The following ADAMTS19 variants were observed in gnomAD, a reference collection of about 807,000 sequenced individuals.
The protein encoded by ADAMTS19 is A disintegrin and metalloproteinase with thrombospondin motifs 19.
ADAMTS19 carries 93 observed loss-of-function variants against 153.3 expected under a neutral mutation model. The ratio of observed to expected loss-of-function variants is 0.61; its 90% CI spans 0.51 to 0.72. ADAMTS19 has a LOEUF of 0.72. Among genes scored for constraint, ADAMTS19 ranks in the 30% least tolerant of loss-of-function variants. The pLI, the probability that ADAMTS19 is intolerant of heterozygous loss-of-function variation, is 0.00. For synonymous variants in ADAMTS19, 600 were observed against 556.6 expected (o/e 1.08, Z -1.10); for missense variants, 1,482 against 1,552.1 (o/e 0.95, Z 0.76).
Position 129,704,404 on chromosome 5 carries a change from C to T in ADAMTS19, c.3312+13C>T, listed in dbSNP as rs766007787. The T allele has an allele frequency of 1.2e-6, 2 of 1,610,576 alleles. No homozygotes were observed. Among genetic ancestry groups the T allele is most frequent in the African/African-American group, 1.3e-5 (1 of 74,876 alleles). On this transcript the variant is annotated intron_variant, in intron 21 of 22. Transcript: ENST00000274487. The stretch of plus-strand genomic sequence containing the variant: ...TGACTGGTCTAAGGTGAGAACCATT[C>T]TGTATATTCTCAGTAATAGGTTTCA...
chr5:129,682,403 AT>A (rs1754862306), intron 17 of ADAMTS19, among the ~76,000 whole-genome samples: 2 of 152,188 alleles, frequency 1.3e-5, no homozygotes, highest in South Asian at 4.1e-4. Context: ...CCAAATTCAA[AT>A]GGTTTAAGAA....
Position 129,701,342 on chromosome 5 carries a change from T to C in ADAMTS19, c.2955-46T>C, listed in dbSNP as rs562937980. 6.6e-4 allele frequency: 1,048 copies of C among 1,593,142 alleles called. 12 individuals are homozygous for C. In the South Asian group the frequency reaches 0.011, roughly 16 times the overall value. ...GTGAGAACAGACTAATACAAGTAGATAGGTATCTTTTAACTTGTTTCCAGT... is the reference window on the plus strand; with the variant it reads ...GTGAGAACAGACTAATACAAGTAGACAGGTATCTTTTAACTTGTTTCCAGT... On this transcript the variant is annotated intron_variant, in intron 19 of 22. Transcript: ENST00000274487.
At chr5:129,483,906 G>T (rs1186198722) in intron 2 of ADAMTS19, among the ~76,000 whole-genome samples, 1 of 152,070 alleles carries the variant, frequency 6.6e-6, no homozygotes, top group African/African-American at 2.4e-5. Flanking sequence ...TTGAATGGGG[G>T]GTGGGGAGAC....
In ADAMTS19 at chr5:129,730,810, G is replaced by A. The variant is rs189020841; in HGVS notation, c.3313-4122G>A. On this transcript the variant is annotated intron_variant, in intron 21 of 22. Transcript: ENST00000274487. The stretch of plus-strand genomic sequence containing the variant: ...AAAATCTCTCCTGTCATTCTGAAGT[G>A]TACACTCAACATATGAATATATGGT... Among the ~76,000 whole-genome samples the A allele has an allele frequency of 3.3e-3, 507 of 152,220 alleles. 9 individuals carry two copies. The highest frequency in any genetic ancestry group is 0.02 in the Middle Eastern group (6 of 294).
intron 10 of ADAMTS19, among the ~76,000 whole-genome samples, chr5:129,633,482 T>A (rs1374648244): frequency 2.6e-5 from 4 of 152,178 alleles, no homozygotes; most frequent in African/African-American, 9.7e-5. Flanking sequence ...AACTATGGCT[T>A]AAAGTTTTAC....
intron 21 of ADAMTS19, among the ~76,000 whole-genome samples, chr5:129,726,236 T>G (rs1757206034): frequency 6.6e-6 from 1 of 152,094 alleles, no homozygotes; most frequent in Admixed American, 6.6e-5. Context: ...GTTTCAAAGG[T>G]CTTTTGGGGC....
At chr5:129,721,844 C>G (rs1025757516) in intron 21 of ADAMTS19, among the ~76,000 whole-genome samples, 1 of 151,226 alleles carries the variant, frequency 6.6e-6, no homozygotes, top group Non-Finnish European at 1.5e-5. Context: ...TGAGTCAGAA[C>G]ATGCAGTGTT....
chr5:129,608,116 G>GTGTGTGTGTATATATATATATATA lies in ADAMTS19; in HGVS notation c.1478+11453_1478+11454insGTGTGTGTATATATATATATATAT, dbSNP rs377008786. On this transcript the variant is annotated intron_variant, in intron 8 of 22. Transcript: ENST00000274487. ...TGTGTGTGTGTGTGTGTGTGTGTGT[G>GTGTGTGTGTATATATATATATATA]TATATATATATATATATATATATAA... Among the ~76,000 whole-genome samples the GTGTGTGTGTATATATATATATATA allele has an allele frequency of 6.3e-4, 30 of 47,944 alleles. 1 individual carries two copies. Among genetic ancestry groups the GTGTGTGTGTATATATATATATATA allele is most frequent in the South Asian group, 9.7e-4 (1 of 1,030 alleles). The allele number at this position is 47,944 out of a possible 152,430, so 31.5% of individuals were successfully genotyped here.
chr5:129,676,694 C>T (rs67325155), intron 16 of ADAMTS19, among the ~76,000 whole-genome samples: 16,005 of 152,198 alleles, frequency 0.11, 881 homozygotes, highest in Middle Eastern at 0.17. Flanking sequence ...GTTATTCAAT[C>T]ATGGTGAAGA....
chr5:129,604,767 T>C (rs1368204666), intron 8 of ADAMTS19, among the ~76,000 whole-genome samples: 4 of 152,170 alleles, frequency 2.6e-5, no homozygotes, highest in Non-Finnish European at 5.9e-5. Context: ...TTCAATAAAG[T>C]ATCAGGTAAA....
At chr5:129,474,802 C>T (rs1197469911) in intron 2 of ADAMTS19, among the ~76,000 whole-genome samples, 1 of 152,092 alleles carries the variant, frequency 6.6e-6, no homozygotes, top group Non-Finnish European at 1.5e-5. Context: ...AGCGGTATCT[C>T]ATGTGGTTTT....
At chr5:129,566,487 C>G (rs1015360022) in intron 7 of ADAMTS19, among the ~76,000 whole-genome samples, 1 of 152,098 alleles carries the variant, frequency 6.6e-6, no homozygotes, top group Non-Finnish European at 1.5e-5. Context: ...GTAAAAGTAA[C>G]AGGCTGATTG....
chr5:129,622,255 G>A lies in ADAMTS19; in HGVS notation c.1677G>A (p.Met559Ile), dbSNP rs766619103. The change falls in exon 10 of 23, where the codon ATG (methionine) becomes ATA (isoleucine). Residue 559 changes from methionine to isoleucine, a missense_variant. Met to Ile is a conservative substitution (Grantham distance 10). This residue lies in a region of ADAMTS19 where 866 missense variants were observed against 827.7 expected (regional missense o/e 1.05). Coordinates refer to ENST00000274487, the MANE Select transcript of ADAMTS19 (RefSeq NM_133638.6). ...ATCCGCAGAGTGTCAATTCTGTGAT[G>A]GTTCCCTCCAAGCTGCCAGGGATGA... Reference protein sequence around the residue: ...QTNPQSVNSVMVPSKLPGMTY... With the variant: ...QTNPQSVNSVIVPSKLPGMTY... 4.3e-6 allele frequency: 7 copies of A among 1,614,072 alleles called. No homozygotes were observed. The highest frequency in any genetic ancestry group is 5.9e-6 in the Non-Finnish European group (7 of 1,180,000).
intron 6 of ADAMTS19, among the ~76,000 whole-genome samples, chr5:129,541,142 A>G (rs1311977375): frequency 1.3e-5 from 2 of 151,176 alleles, no homozygotes; most frequent in Non-Finnish European, 3.0e-5. Context: ...AGTGAGAGGT[A>G]CTTCTAGTGT....
At chr5:129,489,044 G>A (rs982817375) in intron 2 of ADAMTS19, among the ~76,000 whole-genome samples, 2 of 151,984 alleles carry the variant, frequency 1.3e-5, no homozygotes, top group Admixed American at 6.6e-5. Context: ...AAGAACAGTT[G>A]GCTCTTAGTT....
At chr5:129,672,548 G>A (rs1017782738) in intron 16 of ADAMTS19, among the ~76,000 whole-genome samples, 2 of 152,130 alleles carry the variant, frequency 1.3e-5, no homozygotes, top group East Asian at 1.9e-4. Flanking sequence ...GGAGAGCCCT[G>A]CATAAAGCAA....
chr5:129,482,281 C>G (rs1442229758), intron 2 of ADAMTS19, among the ~76,000 whole-genome samples: 1 of 152,062 alleles, frequency 6.6e-6, no homozygotes, highest in Non-Finnish European at 1.5e-5. Flanking sequence ...TAATTATTCA[C>G]CTCTTCACTT....
At chr5:129,528,732 G>T (rs2126768883) in intron 6 of ADAMTS19, 55 bp downstream of exon 6, 1 of 1,390,206 alleles carries the variant, frequency 7.2e-7, no homozygotes, top group Non-Finnish European at 9.9e-7. Context: ...CTGCACTGTT[G>T]ATCCCATTAA....
chr5:129,549,788 A>G (rs1428253237), intron 6 of ADAMTS19, among the ~76,000 whole-genome samples: 2 of 149,572 alleles, frequency 1.3e-5, no homozygotes, highest in Non-Finnish European at 3.0e-5. Flanking sequence ...ACACACACAC[A>G]CATACATATA....
Sources: gnomAD v4.1 joint callset for allele counts (sites outside exome capture counted in the v4.1 genomes callset) on GRCh38, gnomAD v4.1.1 for gene constraint, gnomAD v4.1.1 regional missense constraint, MANE v1.5 for transcripts, NCBI Gene and HGNC (gene_info 2026-07-23, HGNC 2026-07-21) for gene names.